Variants in NPBWR2 observed in about 807,000 individuals in gnomAD.
The protein encoded by NPBWR2 is neuropeptides B and W receptor 2.
For missense variants in NPBWR2, 390 were observed against 458.2 expected (o/e 0.85, Z 1.36); for synonymous variants, 207 against 223.5 (o/e 0.93, Z 0.66).
Position 64,104,207 on chromosome 20 carries a change from C to A in NPBWR2, c.*1623G>T, listed in dbSNP as rs577253953. 1.4e-4 allele frequency among the ~76,000 whole-genome samples: 21 copies of A among 152,306 alleles called. No homozygotes were observed. Among genetic ancestry groups the A allele is most frequent in the African/African-American group, 4.6e-4 (19 of 41,554 alleles). On this transcript the variant is annotated 3_prime_UTR_variant, in exon 2 of 2. Coordinates refer to ENST00000684052, the MANE Select transcript of NPBWR2 (RefSeq NM_005286.4). ...CCAACCCCTGGCCCCTCCCACCTGA[C>A]AGTCAGCGGTCTCTGAACTGCCTGC...
In NPBWR2 at chr20:64,105,785, G is replaced by C; in HGVS notation, c.*45C>G. 7 of 1,315,010 alleles carry C rather than the reference G, an allele frequency of 5.3e-6. No homozygotes were observed. Among genetic ancestry groups the C allele is most frequent in the Non-Finnish European group, 7.2e-6 (7 of 973,490 alleles). The allele number at this position is 1,315,010 out of a possible 1,614,324, so 81.5% of individuals were successfully genotyped here. On this transcript the variant is annotated 3_prime_UTR_variant, in exon 2 of 2. Coordinates refer to ENST00000684052, the MANE Select transcript of NPBWR2 (RefSeq NM_005286.4). ...TGATGATGGGCGTGATGATGATGGG[G>C]GGTGATGATGGGCATGATGATGGGG...
rs558349643 is a variant in NPBWR2 at position 64,107,534 on chromosome 20, G to C, written c.-262C>G. On this transcript the variant is annotated 5_prime_UTR_variant, in exon 1 of 2. Coordinates refer to ENST00000684052, the MANE Select transcript of NPBWR2 (RefSeq NM_005286.4). The surrounding 1 kb of genome is among the most constrained non-coding windows in gnomAD (Gnocchi z 6.3). ...TGCTGGCTGCCTCAGCCCCGGCTGC[G>C]AGGTTCCCAGCCTGGTGTCAGTGCT... Among the ~76,000 whole-genome samples the C allele has an allele frequency of 4.7e-4, 71 of 152,334 alleles. No homozygotes were observed. Among genetic ancestry groups the C allele is most frequent in the African/African-American group, 1.6e-3 (68 of 41,572 alleles).
At position 64,106,134 on chromosome 20, in the gene NPBWR2, G is replaced by C; in HGVS notation, c.698C>G (p.Thr233Arg). 6.2e-7 allele frequency: 1 copy of C among 1,612,366 alleles called. No homozygotes were observed. Among genetic ancestry groups the C allele is most frequent in the Non-Finnish European group, 8.5e-7 (1 of 1,179,846 alleles). The stretch of plus-strand genomic sequence containing the variant: ...GGCCCGCAGCCTGCGCAGGAGGTCT[G>C]TGTAGAGCACACAGATGGTGCACAC... ...LPVCTICVLY[T>R]DLLRRLRAVR... Residue 233 changes from threonine (T) to arginine (R), a missense_variant, in exon 2 of 2, where the codon ACA becomes AGA. Physicochemically the swap from Thr to Arg is moderately conservative, Grantham distance 71. Transcript: ENST00000684052. This position sits in a 1 kb window ranked among gnomAD's most constrained non-coding sequence, Gnocchi z 9.5.
Position 64,106,790 on chromosome 20 carries a change from G to A in NPBWR2, c.42C>T (p.Gly14=), listed in dbSNP as rs752196054. 2 of 1,612,422 alleles carry A rather than the reference G, an allele frequency of 1.2e-6. No individual in the cohort carries two copies. The highest frequency in any genetic ancestry group is 1.3e-5 in the African/African-American group (1 of 75,008). ...CACCCATCGTGGGGAGGGAGAAGGAGCCCCTGCTGTCAAGGGGCTCTGGGT... is the reference window on the plus strand; with the variant it reads ...CACCCATCGTGGGGAGGGAGAAGGAACCCCTGCTGTCAAGGGGCTCTGGGT... The part of the protein sequence containing the change: ...AGHPEPLDSR[G]SFSLPTMGAN... The change falls in exon 2 of 2, where the codon GGC becomes GGT. Residue 14 remains glycine (G), a synonymous_variant. Transcript: ENST00000684052. This position sits in a 1 kb window ranked among gnomAD's most constrained non-coding sequence, Gnocchi z 9.5.
Position 64,104,538 on chromosome 20 carries a change from G to T in NPBWR2, c.*1292C>A, listed in dbSNP as rs1376653455. 1.3e-5 allele frequency among the ~76,000 whole-genome samples: 2 copies of T among 148,866 alleles called. No individual in the cohort carries two copies. The highest frequency in any genetic ancestry group is 3.0e-5 in the Non-Finnish European group (2 of 67,162). On this transcript the variant is annotated 3_prime_UTR_variant, in exon 2 of 2. Transcript: ENST00000684052. ...GAGAGGACCGTCAGACACAGCAGGG[G>T]GGCACAGGGGAGCACAGGCCATGGT...
Position 64,105,940 on chromosome 20 carries a change from A to G in NPBWR2, c.892T>C (p.Ser298Pro). The change falls in exon 2 of 2, where the codon TCC becomes CCC. Residue 298 changes from serine to proline, a missense_variant. Ser to Pro is a moderately conservative substitution (Grantham distance 74, BLOSUM62 -1). Coordinates refer to ENST00000684052, the MANE Select transcript of NPBWR2 (RefSeq NM_005286.4). Reference protein sequence around the residue: ...LPQTPLVISMSYVITSLSYAN... With the variant: ...LPQTPLVISMPYVITSLSYAN... The stretch of plus-strand genomic sequence containing the variant: ...TAGCTGAGGCTGGTGATGACGTAGG[A>G]CATACTGATGACCAGTGGGGTCTGG... 1 of 1,612,864 alleles carries G rather than the reference A, an allele frequency of 6.2e-7. No homozygotes were observed. Among genetic ancestry groups the G allele is most frequent in the African/African-American group, 1.3e-5 (1 of 74,960 alleles).
Position 64,104,098 on chromosome 20 carries a change from C to T in NPBWR2, c.*1732G>A, listed in dbSNP as rs2145639431. 6.6e-6 allele frequency among the ~76,000 whole-genome samples: 1 copy of T among 152,340 alleles called. No individual in the cohort carries two copies. Among genetic ancestry groups the T allele is most frequent in the Non-Finnish European group, 1.5e-5 (1 of 68,020 alleles). On this transcript the variant is annotated 3_prime_UTR_variant, in exon 2 of 2. Coordinates refer to ENST00000684052, the MANE Select transcript of NPBWR2 (RefSeq NM_005286.4). ...AAACCAACCCAGAACACTCACACCTCACTGCCAGGCTGGAATGCCAGGCAT... is the reference window on the plus strand; with the variant it reads ...AAACCAACCCAGAACACTCACACCTTACTGCCAGGCTGGAATGCCAGGCAT...
Position 64,106,348 on chromosome 20 carries a change from C to T in NPBWR2, c.484G>A (p.Gly162Arg), listed in dbSNP as rs774387208. 63 of 1,612,784 alleles carry T rather than the reference C, an allele frequency of 3.9e-5. 1 individual carries two copies. In the South Asian group the frequency reaches 6.5e-4, roughly 17 times the overall value. ...ACACACAGGCTGGCGACCTTCGCCC[C>T]CCGGTAGGTGCGCCAGGGCATGTGG... ...SRHMPWRTYRGAKVASLCVWL... is the reference protein window; with the variant it reads ...SRHMPWRTYRRAKVASLCVWL... Residue 162 changes from glycine to arginine, a missense_variant, in exon 2 of 2, where the codon GGG becomes AGG. Physicochemically the swap from Gly to Arg is moderately radical, Grantham distance 125 (BLOSUM62 -2). Transcript: ENST00000684052. This position sits in a 1 kb window ranked among gnomAD's most constrained non-coding sequence, Gnocchi z 9.5.
rs760194488 is a variant in NPBWR2 at position 64,106,864 on chromosome 20, G to C, written c.-33C>G. 2 of 1,591,104 alleles carry C rather than the reference G, an allele frequency of 1.3e-6. No homozygotes were observed. Among genetic ancestry groups the C allele is most frequent in the South Asian group, 2.2e-5 (2 of 89,784 alleles). On this transcript the variant is annotated 5_prime_UTR_variant, in exon 2 of 2. Transcript: ENST00000684052. This position sits in a 1 kb window ranked among gnomAD's most constrained non-coding sequence, Gnocchi z 9.5. ...GGGACCGTTGACGATTTGCGCCCTG[G>C]GCAGGTGGGAGGTGCCTTGGAGTTG...
In NPBWR2 at chr20:64,106,622, G is replaced by T. The variant is rs1190853827; in HGVS notation, c.210C>A (p.Ile70=). The T allele has an allele frequency of 6.2e-7, 1 of 1,612,246 alleles. No homozygotes were observed. The highest frequency in any genetic ancestry group is 1.3e-5 in the African/African-American group (1 of 75,026). Residue 70 remains isoleucine, a synonymous_variant, in exon 2 of 2, where the codon ATC becomes ATA. Coordinates refer to ENST00000684052, the MANE Select transcript of NPBWR2 (RefSeq NM_005286.4). This position sits in a 1 kb window ranked among gnomAD's most constrained non-coding sequence, Gnocchi z 9.5. The stretch of plus-strand genomic sequence containing the variant: ...CCGTCTTCATCTTGGGCGCCCTTAG[G>T]ATTACAAGGATGACGGCCGTGTTGC... ...LTGNTAVILV[I]LRAPKMKTVT... is the part of the protein sequence containing the mutation.
chr20:64,106,336 C>T lies in NPBWR2; in HGVS notation c.496G>A (p.Ala166Thr), dbSNP rs781390433. 44 of 1,612,554 alleles carry T rather than the reference C, an allele frequency of 2.7e-5. No homozygotes were observed. Among genetic ancestry groups the T allele is most frequent in the Admixed American group, 3.3e-5 (2 of 59,994 alleles). The change falls in exon 2 of 2, where the codon GCC (alanine) becomes ACC (threonine). Residue 166 changes from alanine (A) to threonine (T), a missense_variant. By Grantham distance (58) the Ala-to-Thr change is moderately conservative (BLOSUM62 0). Coordinates refer to ENST00000684052, the MANE Select transcript of NPBWR2 (RefSeq NM_005286.4). This position sits in a 1 kb window ranked among gnomAD's most constrained non-coding sequence, Gnocchi z 9.5. ...ACGCCCAGCCAGACACACAGGCTGG[C>T]GACCTTCGCCCCCCGGTAGGTGCGC... is the stretch of plus-strand genomic sequence containing the variant. ...PWRTYRGAKV[A>T]SLCVWLGVTV... is the part of the protein sequence containing the mutation.
Position 64,105,726 on chromosome 20 carries a change from G to GATGGGGGTA in NPBWR2, c.*103_*104insTACCCCCAT. ...GATGGTGGGGGTGGTGGTGGGGGTG[G>GATGGGGGTA]GGGGGGGTGGGCCTGATGGGGGTGT... On this transcript the variant is annotated 3_prime_UTR_variant, in exon 2 of 2. Coordinates refer to ENST00000684052, the MANE Select transcript of NPBWR2 (RefSeq NM_005286.4). 1 of 406,104 alleles carries GATGGGGGTA rather than the reference G, an allele frequency of 2.5e-6. No homozygotes were observed. The highest frequency in any genetic ancestry group is 8.4e-5 in the African/African-American group (1 of 11,946). The allele number at this position is 406,104 out of a possible 1,614,324, so 25.2% of individuals were successfully genotyped here.
Position 64,106,950 on chromosome 20 carries a change from T to C in NPBWR2, c.-91-28A>G. 6 of 1,282,366 alleles carry C rather than the reference T, an allele frequency of 4.7e-6. No homozygotes were observed. The highest frequency in any genetic ancestry group is 5.4e-6 in the Non-Finnish European group (5 of 932,888). The allele number at this position is 1,282,366 out of a possible 1,614,324, so 79.4% of individuals were successfully genotyped here. A position where few individuals can be genotyped will look rare whatever the true frequency, so the allele number is the denominator to read the frequency against. ...AGGAAAGAAAAACAACCAGAGACTT[T>C]GAGATCCGGCCGTCTGTTAGGGCAC... On this transcript the variant is annotated intron_variant, in intron 1 of 1. Transcript: ENST00000684052. This position sits in a 1 kb window ranked among gnomAD's most constrained non-coding sequence, Gnocchi z 9.5.
rs1165720051 is a variant in NPBWR2, at chr20:64,106,037, C to T, written c.795G>A (p.Val265=). The T allele has an allele frequency of 6.2e-6, 10 of 1,610,816 alleles. No homozygotes were observed. The highest frequency in any genetic ancestry group is 7.6e-6 in the Non-Finnish European group (9 of 1,179,432). Residue 265 remains valine, a synonymous_variant, in exon 2 of 2, where the codon GTG becomes GTA. Transcript: ENST00000684052. This position sits in a 1 kb window ranked among gnomAD's most constrained non-coding sequence, Gnocchi z 9.5. ...RRKVTVLVLV[V]LAVCLLCWTP... is the part of the protein sequence containing the mutation. Reference sequence around the variant, plus strand: ...TCCAGCAGAGGAGGCACACGGCCAGCACGACGAGGACCAGGACGGTCACCT... The same window carrying T: ...TCCAGCAGAGGAGGCACACGGCCAGTACGACGAGGACCAGGACGGTCACCT...
Position 64,105,991 on chromosome 20 carries a change from C to G in NPBWR2, c.841G>C (p.Val281Leu), listed in dbSNP as rs528646694. 203 of 1,612,434 alleles carry G rather than the reference C, an allele frequency of 1.3e-4. No individual in the cohort carries two copies. The South Asian group carries it at 1.9e-3, about 15-fold the overall frequency. Residue 281 changes from valine (V) to leucine (L), a missense_variant, in exon 2 of 2, where the codon GTC becomes CTC. By Grantham distance (32) the Val-to-Leu change is conservative (BLOSUM62 1). Coordinates refer to ENST00000684052, the MANE Select transcript of NPBWR2 (RefSeq NM_005286.4). ...LCWTPFHLASVVALTTDLPQT... is the reference protein window; with the variant it reads ...LCWTPFHLASLVALTTDLPQT... Reference sequence around the variant, plus strand: ...GGCAGGTCCGTGGTCAGGGCCACGACAGAGGCCAGGTGGAAGGGCGTCCAG... The same window carrying G: ...GGCAGGTCCGTGGTCAGGGCCACGAGAGAGGCCAGGTGGAAGGGCGTCCAG...
chr20:64,104,917 G>GAGGAGCACA lies in NPBWR2; in HGVS notation c.*912_*913insTGTGCTCCT, dbSNP rs1979909816. On this transcript the variant is annotated 3_prime_UTR_variant, in exon 2 of 2. Coordinates refer to ENST00000684052, the MANE Select transcript of NPBWR2 (RefSeq NM_005286.4). The stretch of plus-strand genomic sequence containing the variant: ...ATGGAGAGGACTGTCGGACACAGCA[G>GAGGAGCACA]GGCGGGTACAGGCCATGGCAAGGAC... Among the ~76,000 whole-genome samples, 1 of 141,710 alleles carries GAGGAGCACA rather than the reference G, an allele frequency of 7.1e-6. No homozygotes were observed. Among genetic ancestry groups the GAGGAGCACA allele is most frequent in the Non-Finnish European group, 1.6e-5 (1 of 63,448 alleles). The allele number at this position is 141,710 out of a possible 152,430, so 93.0% of individuals were successfully genotyped here. A position where few individuals can be genotyped will look rare whatever the true frequency, so the allele number is the denominator to read the frequency against.
In NPBWR2 at chr20:64,106,307, C is replaced by T. The variant is rs779117846; in HGVS notation, c.525G>A (p.Thr175=). 58 of 1,612,700 alleles carry T rather than the reference C, an allele frequency of 3.6e-5. No homozygotes were observed. Among genetic ancestry groups the T allele is most frequent in the East Asian group, 8.9e-5 (4 of 44,898 alleles). Residue 175 remains threonine, a synonymous_variant, in exon 2 of 2, where the codon ACG becomes ACA. Transcript: ENST00000684052. The surrounding 1 kb of genome is among the most constrained non-coding windows in gnomAD (Gnocchi z 9.5). ...VASLCVWLGV[T]VLVLPFFSFA... ...AAGAGAAGAAGGGCAGAACCAGGAC[C>T]GTGACGCCCAGCCAGACACACAGGC...
rs767389109 is a variant in NPBWR2, at chr20:64,106,351, G to A, written c.481C>T (p.Arg161Trp). 62 of 1,612,602 alleles carry A rather than the reference G, an allele frequency of 3.8e-5. No individual in the cohort carries two copies. The highest frequency in any genetic ancestry group is 1.6e-4 in the Middle Eastern group (1 of 6,084). The change falls in exon 2 of 2, where the codon CGG becomes TGG. Residue 161 changes from arginine (R) to tryptophan (W), a missense_variant. By Grantham distance (101) the Arg-to-Trp change is moderately radical. Coordinates refer to ENST00000684052, the MANE Select transcript of NPBWR2 (RefSeq NM_005286.4). This position sits in a 1 kb window ranked among gnomAD's most constrained non-coding sequence, Gnocchi z 9.5. Reference sequence around the variant, plus strand: ...CACAGGCTGGCGACCTTCGCCCCCCGGTAGGTGCGCCAGGGCATGTGGCGG... The same window carrying A: ...CACAGGCTGGCGACCTTCGCCCCCCAGTAGGTGCGCCAGGGCATGTGGCGG... ...RSRHMPWRTY[R>W]GAKVASLCVW... is the part of the protein sequence containing the mutation.
In NPBWR2 at chr20:64,107,025, G is replaced by C; in HGVS notation, c.-91-103C>G. ...GACTGCGGCCACTTTGCCAGGTCAA[G>C]GACATGGGGCCAGAGGGAGCCTGGT... is the stretch of plus-strand genomic sequence containing the variant. On this transcript the variant is annotated intron_variant, in intron 1 of 1. Transcript: ENST00000684052. The surrounding 1 kb of genome is among the most constrained non-coding windows in gnomAD (Gnocchi z 6.3). 1.5e-6 allele frequency: 1 copy of C among 684,494 alleles called. No homozygotes were observed. The highest frequency in any genetic ancestry group is 2.0e-5 in the South Asian group (1 of 50,818). The allele number at this position is 684,494 out of a possible 1,614,324, so 42.4% of individuals were successfully genotyped here.
Sources: allele counts gnomAD v4.1 joint callset (sites outside exome capture counted in the v4.1 genomes callset), GRCh38; gene constraint gnomAD v4.1.1; non-coding constraint Gnocchi (gnomAD v3.1); transcripts MANE v1.5; gene names NCBI Gene and HGNC (gene_info 2026-07-23, HGNC 2026-07-21).